ENDOU: variants seen among roughly 807,000 people sequenced by gnomAD.
The protein encoded by ENDOU is endonuclease, poly(U) specific.
A neutral mutation model predicts 54.2 loss-of-function variants in ENDOU; 49 were observed. That is an observed-to-expected ratio of 0.90 (90% CI 0.72 to 1.15). The LOEUF is 1.15. Among genes scored for constraint, ENDOU ranks in the 50% most tolerant of loss-of-function variants. The probability of loss-of-function intolerance (pLI) is 0.00; values close to 1 mark genes in which losing one functional copy is unlikely to be tolerated. For synonymous variants in ENDOU, 172 were observed against 190.5 expected, an observed-to-expected ratio of 0.90 and a Z score of 0.80; for missense variants, 458 against 511.4, an observed-to-expected ratio of 0.90 and a Z score of 1.01.
intron 3 of ENDOU, 147 bp from the exon 4 acceptor site, chr12:47,717,802 C>T (rs1940308683): frequency 2.6e-6 from 2 of 781,934 alleles, no homozygotes; most frequent in Admixed American, 2.6e-5. Context: ...AATTCGTGCA[C>T]ACCCTTCACA....
intron 5 of ENDOU, among the ~76,000 whole-genome samples, 153 bp downstream of exon 5, chr12:47,716,737 C>T (rs960589708): frequency 6.6e-6 from 1 of 152,232 alleles, no homozygotes; most frequent in African/African-American, 2.4e-5. Flanking sequence ...TGGATATCCA[C>T]AGTCCCTCAA....
rs768755766 is a variant in ENDOU at position 47,717,550 on chromosome 12, C to T, written c.350G>A (p.Cys117Tyr). 64 of 1,614,194 alleles carry T rather than the reference C, an allele frequency of 4.0e-5. No homozygotes were observed. The Middle Eastern group carries it at 4.9e-4, about 12-fold the overall frequency. ...ACTACACAGGCTCTCAAAATCCTTG[C>T]AGCAGTTCCCAAACTCTTGGCAGCG... is the stretch of plus-strand genomic sequence containing the variant. The part of the protein sequence containing the change: ...NARCQEFGNC[C>Y]KDFESLCSDH... The change falls in exon 4 of 10, where the codon TGC (cysteine) becomes TAC (tyrosine). Residue 117 changes from cysteine to tyrosine, a missense_variant. Coordinates refer to ENST00000422538, the MANE Select transcript of ENDOU (RefSeq NM_001172439.2).
At chr12:47,713,418 G>T in intron 6 of ENDOU, 30 bp from the exon 7 acceptor site, 2 of 1,531,520 alleles carry the variant, frequency 1.3e-6, no homozygotes, top group Non-Finnish European at 1.8e-6. Context: ...GTTTTGGAGA[G>T]GGGAGGCAGG....
At chr12:47,712,278 C>T (rs761178998) in intron 8 of ENDOU, among the ~76,000 whole-genome samples, 5 of 152,170 alleles carry the variant, frequency 3.3e-5, no homozygotes, top group Non-Finnish European at 5.9e-5. Flanking sequence ...AGGCTCCCAC[C>T]CCGATATGGT....
Position 47,710,681 on chromosome 12 carries a change from C to A in ENDOU, c.*121G>T. 1 of 709,834 alleles carries A rather than the reference C, an allele frequency of 1.4e-6. No individual in the cohort carries two copies. Among genetic ancestry groups the A allele is most frequent in the Non-Finnish European group, 2.6e-6 (1 of 390,526 alleles). 44.0% of individuals were successfully genotyped at this position (709,834 alleles called of 1,614,324 possible). A position where few individuals can be genotyped will look rare whatever the true frequency, so the allele number is the denominator to read the frequency against. Reference sequence around the variant, plus strand: ...GTGGGCACTTTGGGATTTAGGAATGCTTCTCATTGCTTTGAGATTTGGTGA... The same window carrying A: ...GTGGGCACTTTGGGATTTAGGAATGATTCTCATTGCTTTGAGATTTGGTGA... On this transcript the variant is annotated 3_prime_UTR_variant, in exon 10 of 10. Transcript: ENST00000422538.
intron 9 of ENDOU, 125 bp from the exon 10 acceptor site, chr12:47,711,044 G>A (rs554186334): frequency 5.6e-6 from 3 of 536,962 alleles, no homozygotes; most frequent in East Asian, 6.0e-5. Flanking sequence ...TAAAGACAGA[G>A]CTGGCACTGC....
At chr12:47,720,625 C>T in intron 2 of ENDOU, 128 bp downstream of exon 2, 1 of 994,378 alleles carries the variant, frequency 1.0e-6, no homozygotes, top group Non-Finnish European at 1.4e-6. Flanking sequence ...TGCCTCTGTC[C>T]CTCAGTGCTT....
chr12:47,714,787 T>C (rs1007444799), intron 6 of ENDOU, among the ~76,000 whole-genome samples: 1 of 152,218 alleles, frequency 6.6e-6, no homozygotes, highest in African/African-American at 2.4e-5. Context: ...GAGAAGGCCC[T>C]TGGGAAAGTT....
chr12:47,716,821 C>T (rs577581889), intron 5 of ENDOU, 69 bp downstream of exon 5: 28 of 1,503,990 alleles, frequency 1.9e-5, no homozygotes, highest in Middle Eastern at 2.2e-4. Flanking sequence ...GATAAAAAGT[C>T]GAGACATCGA....
Position 47,716,486 on chromosome 12 carries a change from C to T in ENDOU, c.565G>A (p.Val189Ile), listed in dbSNP as rs141587640. The change falls in exon 6 of 10, where the codon GTC becomes ATC. Residue 189 changes from valine to isoleucine, a missense_variant. Val to Ile is a conservative substitution (Grantham distance 29). Coordinates refer to ENST00000422538, the MANE Select transcript of ENDOU (RefSeq NM_001172439.2). ...DRCPKPLFTY[V>I]NEKLFSKPTY... ...GGCTTGGAGAACAGCTTCTCATTGA[C>T]ATAAGTGAAGAGTCTGGGGGAGGCA... 8.4e-5 allele frequency: 135 copies of T among 1,613,602 alleles called. No homozygotes were observed. In the African/African-American group the frequency reaches 1.6e-3, roughly 20 times the overall value.
At chr12:47,711,107 C>A (rs560700291) in intron 9 of ENDOU, among the ~76,000 whole-genome samples, 188 bp from the exon 10 acceptor site, 1 of 152,374 alleles carries the variant, frequency 6.6e-6, no homozygotes, top group South Asian at 2.1e-4. Context: ...ATTTCAAAAT[C>A]TTTGCCTTAT....
rs1203124370 is a variant in ENDOU, at chr12:47,718,211, A to G, written c.179-17T>C. 1.9e-6 allele frequency: 3 copies of G among 1,563,630 alleles called. No individual in the cohort carries two copies. The South Asian group carries it at 3.5e-5, about 18-fold the overall frequency. On this transcript the variant is annotated splice_polypyrimidine_tract_variant and intron_variant, in intron 2 of 9. Coordinates refer to ENST00000422538, the MANE Select transcript of ENDOU (RefSeq NM_001172439.2). ...TGTGGTCCTCTGCAGGTAGATAGAAAAATAAAGTCACCAACAACCTGAGAA... is the reference window on the plus strand; with the variant it reads ...TGTGGTCCTCTGCAGGTAGATAGAAGAATAAAGTCACCAACAACCTGAGAA...
At chr12:47,713,525 T>TA in intron 6 of ENDOU, 137 bp from the exon 7 acceptor site, 1 of 641,090 alleles carries the variant, frequency 1.6e-6, no homozygotes, top group African/African-American at 1.8e-5. Flanking sequence ...GTTCGGCTGT[T>TA]AATTCAATGA....
In ENDOU at chr12:47,711,686, A is replaced by T. The variant is rs765429924; in HGVS notation, c.1062T>A (p.Pro354=). 6.2e-7 allele frequency: 1 copy of T among 1,614,138 alleles called. No homozygotes were observed. Among genetic ancestry groups the T allele is most frequent in the East Asian group, 2.2e-5 (1 of 44,888 alleles). The change falls in exon 9 of 10, where the codon CCT becomes CCA. Residue 354 remains proline (P), a synonymous_variant. Transcript: ENST00000422538. ...EVGSAFIGSS[P]EFEFALYSLC... is the part of the protein sequence containing the mutation. ...GGGAGTAGAGTGCAAACTCAAACTC[A>T]GGGCTGCTGCCGATGAAAGCAGAGC...
At chr12:47,721,247 C>T (rs973918905) in intron 1 of ENDOU, among the ~76,000 whole-genome samples, 4 of 152,132 alleles carry the variant, frequency 2.6e-5, no homozygotes, top group East Asian at 1.9e-4. Context: ...CAGCTCTAGC[C>T]GATTGTGGCC....
intron 6 of ENDOU, among the ~76,000 whole-genome samples, chr12:47,714,658 C>T (rs1940160382): frequency 1.3e-5 from 2 of 152,286 alleles, no homozygotes; most frequent in South Asian, 4.1e-4. Context: ...TGGGTTATGC[C>T]CGCCATTTAT....
At chr12:47,723,449 C>T (rs776357313) in intron 1 of ENDOU, among the ~76,000 whole-genome samples, 1 of 152,142 alleles carries the variant, frequency 6.6e-6, no homozygotes, top group Non-Finnish European at 1.5e-5. Context: ...AGCCTTGCTC[C>T]CCAAGCCAGG....
rs1044839184 is a variant in ENDOU at position 47,711,835 on chromosome 12, G to T, written c.973-60C>A. The T allele has an allele frequency of 4.4e-6, 7 of 1,582,218 alleles. No homozygotes were observed. In the African/African-American group the frequency reaches 5.4e-5, roughly 12 times the overall value. On this transcript the variant is annotated intron_variant, in intron 8 of 9. Coordinates refer to ENST00000422538, the MANE Select transcript of ENDOU (RefSeq NM_001172439.2). Reference sequence around the variant, plus strand: ...AGTGCCACAGAGTGGAGTAGAACGGGTGCCCAATGGCAACAGTCAGACAGT... The same window carrying T: ...AGTGCCACAGAGTGGAGTAGAACGGTTGCCCAATGGCAACAGTCAGACAGT...
In ENDOU at chr12:47,722,940, G is replaced by C. The variant is rs539730344; in HGVS notation, c.56-2065C>G. Reference sequence around the variant, plus strand: ...GTTAAATGATGCTCCCTTGGAGCCTGAATGCAAAGACCTTAAGGAGAAATT... The same window carrying C: ...GTTAAATGATGCTCCCTTGGAGCCTCAATGCAAAGACCTTAAGGAGAAATT... On this transcript the variant is annotated intron_variant, in intron 1 of 9. Transcript: ENST00000422538. Among the ~76,000 whole-genome samples, 260 of 152,360 alleles carry C rather than the reference G, an allele frequency of 1.7e-3. 2 individuals carry two copies. The highest frequency in any genetic ancestry group is 4.1e-3 in the South Asian group (20 of 4,830).
Sources: gnomAD v4.1 joint callset for allele counts (sites outside exome capture counted in the v4.1 genomes callset) on GRCh38, gnomAD v4.1.1 for gene constraint, MANE v1.5 for transcripts, NCBI Gene and HGNC (gene_info 2026-07-23, HGNC 2026-07-21) for gene names.